Variants in DEPDC1B observed in about 807,000 individuals in gnomAD.
DEPDC1B encodes the protein DEP domain containing 1B.
DEPDC1B carries 51 observed loss-of-function variants against 66.5 expected under a neutral mutation model. That is an observed-to-expected ratio of 0.77 (90% CI 0.61 to 0.97). The LOEUF is 0.97. Among genes scored for constraint, DEPDC1B ranks in the 50% least tolerant of loss-of-function variants. DEPDC1B has a pLI of 0.00. For missense variants in DEPDC1B, 552 were observed against 637.1 expected, an observed-to-expected ratio of 0.87 and a Z score of 1.44; for synonymous variants, 226 against 223.6, an observed-to-expected ratio of 1.01 and a Z score of -0.10.
chr5:60,645,191 C>T (rs1250838844), intron 4 of DEPDC1B, among the ~76,000 whole-genome samples: 1 of 152,090 alleles, frequency 6.6e-6, no homozygotes, highest in East Asian at 1.9e-4. Context: ...TCATGAGGAA[C>T]AAAATTTTGC....
chr5:60,700,027 C>T lies in DEPDC1B; in HGVS notation c.48+19G>A, dbSNP rs1448902658. Reference sequence around the variant, plus strand: ...CGCGGCACCGGGTGCTCCGCCCAGGCCCCAGCACACTCACTCACCAGCCTG... The same window carrying T: ...CGCGGCACCGGGTGCTCCGCCCAGGTCCCAGCACACTCACTCACCAGCCTG... On this transcript the variant is annotated intron_variant, in intron 1 of 10. Coordinates refer to ENST00000265036, the MANE Select transcript of DEPDC1B (RefSeq NM_018369.3). 2 of 1,550,896 alleles carry T rather than the reference C, an allele frequency of 1.3e-6. No homozygotes were observed. Among genetic ancestry groups the T allele is most frequent in the Admixed American group, 2.0e-5 (1 of 51,258 alleles).
intron 6 of DEPDC1B, among the ~76,000 whole-genome samples, chr5:60,639,984 G>T (rs945614169): frequency 2.0e-5 from 3 of 152,130 alleles, no homozygotes; most frequent in African/African-American, 7.2e-5. Flanking sequence ...AAAGAAAGGG[G>T]ATCAAGCTAA....
chr5:60,650,609 C>T (rs1753426972), intron 2 of DEPDC1B, among the ~76,000 whole-genome samples: 1 of 152,192 alleles, frequency 6.6e-6, no homozygotes, highest in Admixed American at 6.5e-5. Context: ...AACAAATACA[C>T]ACTACTCTTT....
intron 1 of DEPDC1B, among the ~76,000 whole-genome samples, chr5:60,693,629 A>T (rs1348494038): frequency 6.6e-6 from 1 of 152,180 alleles, no homozygotes; most frequent in Non-Finnish European, 1.5e-5. Context: ...CAACTTAGCA[A>T]ATGTCATTCA....
chr5:60,696,663 G>T (rs1361214819), intron 1 of DEPDC1B, among the ~76,000 whole-genome samples: 1 of 151,970 alleles, frequency 6.6e-6, no homozygotes, highest in Admixed American at 6.6e-5. Context: ...ACAACAAATG[G>T]AACAAAACAG....
chr5:60,615,278 G>A (rs1752517834), intron 7 of DEPDC1B, among the ~76,000 whole-genome samples: 1 of 152,128 alleles, frequency 6.6e-6, no homozygotes, highest in Admixed American at 6.5e-5. Context: ...TCATCTCACT[G>A]GGGAGTGTCG....
At chr5:60,699,031 C>CA (rs1561398563) in intron 1 of DEPDC1B, among the ~76,000 whole-genome samples, 2 of 152,118 alleles carry the variant, frequency 1.3e-5, no homozygotes, top group Admixed American at 6.5e-5. Context: ...AGTAAAGACC[C>CA]ATCAGCCCCA....
rs866067152 is a variant in DEPDC1B at position 60,610,950 on chromosome 5, C to A, written c.899-5094G>T. On this transcript the variant is annotated intron_variant, in intron 7 of 10. Coordinates refer to ENST00000265036, the MANE Select transcript of DEPDC1B (RefSeq NM_018369.3). ...GCTCCTTGTTATAGATTACCGAAGTCTTTATTGGAGTCACCTATTAATATA... is the reference window on the plus strand; with the variant it reads ...GCTCCTTGTTATAGATTACCGAAGTATTTATTGGAGTCACCTATTAATATA... 9.2e-5 allele frequency among the ~76,000 whole-genome samples: 14 copies of A among 152,284 alleles called. 1 individual carries two copies. In the South Asian group the frequency reaches 2.9e-3, roughly 32 times the overall value.
intron 2 of DEPDC1B, among the ~76,000 whole-genome samples, chr5:60,667,329 A>G (rs1191829375): frequency 6.6e-6 from 1 of 151,806 alleles, no homozygotes; most frequent in Non-Finnish European, 1.5e-5. Flanking sequence ...TATAACTGAT[A>G]AAGTGTAAAT....
intron 1 of DEPDC1B, among the ~76,000 whole-genome samples, chr5:60,688,328 T>A (rs1394340549): frequency 3.9e-5 from 6 of 152,118 alleles, no homozygotes; most frequent in African/African-American, 1.4e-4. Flanking sequence ...GCATGACATC[T>A]TCAGATACCA....
At chr5:60,690,739 TTTTG>T (rs1163430139) in intron 1 of DEPDC1B, among the ~76,000 whole-genome samples, 1 of 152,116 alleles carries the variant, frequency 6.6e-6, no homozygotes, top group Admixed American at 6.5e-5. Flanking sequence ...CAGAGTTGTT[TTTTG>T]TTTGTTTTGC....
At chr5:60,618,626 T>C (rs10119944) in intron 7 of DEPDC1B, among the ~76,000 whole-genome samples, 3 of 152,224 alleles carry the variant, frequency 2.0e-5, no homozygotes, top group Non-Finnish European at 4.4e-5. Flanking sequence ...TAACAGGCTC[T>C]GAAATTGAGG....
At chr5:60,678,006 C>T (rs1460221888) in intron 2 of DEPDC1B, among the ~76,000 whole-genome samples, 1 of 152,098 alleles carries the variant, frequency 6.6e-6, no homozygotes, top group East Asian at 1.9e-4. Context: ...CCCAGGGCCA[C>T]AGAAAATGAC....
chr5:60,683,335 G>A (rs572745637), intron 2 of DEPDC1B, among the ~76,000 whole-genome samples: 3 of 152,166 alleles, frequency 2.0e-5, no homozygotes, highest in Non-Finnish European at 4.4e-5. Flanking sequence ...AGGAGGCTGA[G>A]GTGGGAAGAT....
Position 60,640,535 on chromosome 5 carries a change from A to G in DEPDC1B, c.758-1645T>C, listed in dbSNP as rs182350882. On this transcript the variant is annotated intron_variant, in intron 6 of 10. Transcript: ENST00000265036. ...ATGTTATTCCTGACAGATTCTGGAA[A>G]AGAAATGCTTTGACTTTTTTGTGTC... is the stretch of plus-strand genomic sequence containing the variant. Among the ~76,000 whole-genome samples, 333 of 152,334 alleles carry G rather than the reference A, an allele frequency of 2.2e-3. 2 individuals carry two copies. The highest frequency in any genetic ancestry group is 7.7e-3 in the African/African-American group (320 of 41,576).
intron 8 of DEPDC1B, among the ~76,000 whole-genome samples, 165 bp from the exon 9 acceptor site, chr5:60,603,732 G>T (rs1331237421): frequency 6.6e-6 from 1 of 151,810 alleles, no homozygotes; most frequent in African/African-American, 2.4e-5. Flanking sequence ...TCAACAACCA[G>T]AACAAACAAA....
chr5:60,605,883 C>A (rs1481937904), intron 7 of DEPDC1B, 27 bp from the exon 8 acceptor site: 3 of 1,584,416 alleles, frequency 1.9e-6, no homozygotes, highest in Non-Finnish European at 2.6e-6. Flanking sequence ...AAAATGTTAT[C>A]TTTCAACACC....
intron 2 of DEPDC1B, among the ~76,000 whole-genome samples, chr5:60,659,171 G>A (rs1279454994): frequency 6.6e-6 from 1 of 152,138 alleles, no homozygotes; most frequent in Non-Finnish European, 1.5e-5. Flanking sequence ...AGAACCCCTG[G>A]TCAGAGAACA....
At chr5:60,619,210 T>G (rs1461254948) in intron 7 of DEPDC1B, among the ~76,000 whole-genome samples, 1 of 152,162 alleles carries the variant, frequency 6.6e-6, no homozygotes, top group Non-Finnish European at 1.5e-5. Context: ...CTGGAAGCAT[T>G]CCCTTTGAAA....
Sources: allele counts gnomAD v4.1 joint callset (sites outside exome capture counted in the v4.1 genomes callset), GRCh38; gene constraint gnomAD v4.1.1; transcripts MANE v1.5; gene names NCBI Gene and HGNC (gene_info 2026-07-23, HGNC 2026-07-21).